The following CPS1 variants were observed in gnomAD, a reference collection of about 807,000 sequenced individuals.
CPS1 encodes the protein carbamoyl-phosphate synthase [ammonia], mitochondrial.
In CPS1, 109 loss-of-function variants were observed where a neutral mutation model predicts 174.6. The ratio of observed to expected loss-of-function variants is 0.62; its 90% CI spans 0.53 to 0.73. The LOEUF (loss-of-function observed/expected upper bound fraction) is 0.73. Ranked by LOEUF, CPS1 falls within the 30% of genes least tolerant of loss-of-function variation. CPS1 has a pLI of 0.00. For missense variants in CPS1, 1,689 were observed against 1,821.9 expected (o/e 0.93, Z 1.33); for synonymous variants, 637 against 632.0 (o/e 1.01, Z -0.12).
chr2:210,647,634 C>T (rs1221674363), intron 25 of CPS1, among the ~76,000 whole-genome samples: 2 of 152,188 alleles, frequency 1.3e-5, no homozygotes, highest in Non-Finnish European at 2.9e-5. Flanking sequence ...GTGAGTGTCA[C>T]AAATGATATT....
intron 33 of CPS1, among the ~76,000 whole-genome samples, chr2:210,667,895 T>C (rs1390936566): frequency 6.6e-6 from 1 of 152,160 alleles, no homozygotes; most frequent in Admixed American, 6.5e-5. Context: ...TGTTGCTCCA[T>C]TGAGTGTTGT....
chr2:210,605,325 G>T, intron 17 of CPS1, 79 bp downstream of exon 17: 1 of 1,518,218 alleles, frequency 6.6e-7, no homozygotes, highest in Non-Finnish European at 9.1e-7. Context: ...TTATAAAGTT[G>T]TTGCCTTTAA....
chr2:210,529,412 G>C (rs1696060179), intron 1 of CPS1, among the ~76,000 whole-genome samples: 1 of 151,948 alleles, frequency 6.6e-6, no homozygotes, highest in South Asian at 2.1e-4. Context: ...TTGATAACCA[G>C]AGAGTCAACC....
intron 11 of CPS1, chr2:210,593,539 A>G (rs1698381237): frequency 1.0e-6 from 1 of 986,472 alleles, no homozygotes; most frequent in African/African-American, 1.7e-5. Context: ...CTCTTAGTTC[A>G]TTGTTCAAAC....
chr2:210,656,966 G>A (rs901773423), intron 30 of CPS1, among the ~76,000 whole-genome samples: 1 of 152,078 alleles, frequency 6.6e-6, no homozygotes, highest in African/African-American at 2.4e-5. Context: ...TCCAGAATTT[G>A]CGTTTTTCAC....
chr2:210,616,699 G>GT (rs76911251), intron 21 of CPS1, among the ~76,000 whole-genome samples, 158 bp downstream of exon 21: 1,709 of 141,054 alleles, frequency 0.012, 18 homozygotes, highest in African/African-American at 0.032. Context: ...CAAATGGCAG[G>GT]TTTTTTTTTT....
intron 20 of CPS1, 31 bp from the exon 21 acceptor site, chr2:210,616,392 C>A (rs774563334): frequency 2.1e-6 from 3 of 1,456,938 alleles, no homozygotes; most frequent in Admixed American, 3.4e-5. Flanking sequence ...AAAATGTTTG[C>A]CAAAGAAAGT....
intron 7 of CPS1, among the ~76,000 whole-genome samples, chr2:210,589,409 G>A (rs4309518): frequency 0.47 from 71,388 of 151,888 alleles, 16,998 homozygotes; most frequent in Middle Eastern, 0.59. Context: ...TACAGAAAAT[G>A]AGAAAACCCT....
At chr2:210,529,150 C>A (rs1696050991) in intron 1 of CPS1, among the ~76,000 whole-genome samples, 1 of 151,906 alleles carries the variant, frequency 6.6e-6, no homozygotes, top group African/African-American at 2.4e-5. Context: ...CTCTCTGGAG[C>A]TAATTTTGTA....
chr2:210,657,510 C>G (rs1297838273), intron 30 of CPS1: 1 of 152,298 alleles, frequency 6.6e-6, no homozygotes, highest in Admixed American at 6.6e-5. Flanking sequence ...CGGGGTTTCA[C>G]CATGTTAGCC....
rs572582353 is a variant in CPS1, at chr2:210,578,275, A to AT, written c.471+771dup. 4.8e-3 allele frequency among the ~76,000 whole-genome samples: 730 copies of AT among 151,886 alleles called. 7 individuals carry two copies. Among genetic ancestry groups the AT allele is most frequent in the African/African-American group, 0.017 (690 of 41,414 alleles). ...AGGAGCCTGCCACCATGCCCGGCTAATTTTTTGTATTTTTAGTAGAGACGG... is the reference window on the plus strand; with the variant it reads ...AGGAGCCTGCCACCATGCCCGGCTAATTTTTTTGTATTTTTAGTAGAGACGG... On this transcript the variant is annotated intron_variant, in intron 4 of 37. Coordinates refer to ENST00000233072, the MANE Select transcript of CPS1 (RefSeq NM_001875.5).
chr2:210,543,925 C>T (rs1431934275), intron 1 of CPS1, among the ~76,000 whole-genome samples: 2 of 152,080 alleles, frequency 1.3e-5, no homozygotes, highest in East Asian at 3.9e-4. Context: ...CTTAACAATT[C>T]TCCTAGGGCT....
intron 1 of CPS1, among the ~76,000 whole-genome samples, chr2:210,534,180 C>A (rs1223659715): frequency 2.0e-5 from 3 of 152,148 alleles, no homozygotes; most frequent in Admixed American, 6.5e-5. Flanking sequence ...AGCAGTGTTT[C>A]GATGGCAAAG....
At chr2:210,660,272 T>A (rs932875538) in intron 31 of CPS1, among the ~76,000 whole-genome samples, 15 of 152,054 alleles carry the variant, frequency 9.9e-5, no homozygotes, top group African/African-American at 3.6e-4. Flanking sequence ...GGAATGCAAT[T>A]TGGAAAAAGG....
chr2:210,609,533 T>C (rs982307054), intron 19 of CPS1, among the ~76,000 whole-genome samples: 2 of 152,032 alleles, frequency 1.3e-5, no homozygotes, highest in African/African-American at 4.8e-5. Context: ...ATTATTGTTA[T>C]TATTAAATTA....
At chr2:210,671,056 C>T (rs1173995793) in intron 34 of CPS1, among the ~76,000 whole-genome samples, 2 of 152,132 alleles carry the variant, frequency 1.3e-5, no homozygotes, top group Admixed American at 6.6e-5. Flanking sequence ...CACCTTTCAT[C>T]GCATTAGGAT....
chr2:210,484,230 C>A (rs1449512380), intron 1 of CPS1, among the ~76,000 whole-genome samples: 1 of 152,108 alleles, frequency 6.6e-6, no homozygotes, highest in Non-Finnish European at 1.5e-5. Context: ...GGGAACATCC[C>A]AGATGGAAGG....
intron 1 of CPS1, among the ~76,000 whole-genome samples, chr2:210,510,090 C>G (rs1311572930): frequency 4.4e-4 from 67 of 152,254 alleles, no homozygotes; most frequent in Admixed American, 4.3e-3. Flanking sequence ...GCCAAAAGAA[C>G]AAAGCTGGAG....
intron 1 of CPS1, among the ~76,000 whole-genome samples, chr2:210,529,011 T>G (rs894016024): frequency 6.6e-6 from 1 of 151,794 alleles, no homozygotes; most frequent in South Asian, 2.1e-4. Context: ...TTATTATATG[T>G]TTGGCTTTAT....
Sources: allele counts gnomAD v4.1 joint callset (sites outside exome capture counted in the v4.1 genomes callset), GRCh38; gene constraint gnomAD v4.1.1; transcripts MANE v1.5; gene names NCBI Gene and HGNC (gene_info 2026-07-23, HGNC 2026-07-21).